The following SLC8A1 variants were observed in gnomAD, a reference collection of about 807,000 sequenced individuals.
SLC8A1 encodes the protein solute carrier family 8 member A1, also known as sodium/calcium exchanger 1.
SLC8A1 carries 18 observed loss-of-function variants against 68.3 expected under a neutral mutation model. That is an observed-to-expected ratio of 0.26 (90% CI 0.18 to 0.39). The LOEUF is 0.39. SLC8A1 is among the 10% of genes least tolerant of loss of function. SLC8A1 has a pLI of 1.00. For missense variants in SLC8A1, 985 were observed against 1,156.7 expected (o/e 0.85, Z 2.15); for synonymous variants, 475 against 415.5 (o/e 1.14, Z -1.74).
chr2:40,361,046 A>G (rs987832570), intron 2 of SLC8A1, among the ~76,000 whole-genome samples: 2 of 152,150 alleles, frequency 1.3e-5, no homozygotes, highest in African/African-American at 4.8e-5. Context: ...GGAAGCTATC[A>G]TTTGTCTATG....
At chr2:40,459,154 G>C (rs1026492154) in intron 1 of SLC8A1, among the ~76,000 whole-genome samples, 2 of 152,058 alleles carry the variant, frequency 1.3e-5, no homozygotes, top group Admixed American at 1.3e-4. Flanking sequence ...AAAAATGACA[G>C]GCAACAAGCA....
chr2:40,468,001 G>A (rs1173153398), intron 1 of SLC8A1, among the ~76,000 whole-genome samples: 2 of 152,084 alleles, frequency 1.3e-5, no homozygotes, highest in Non-Finnish European at 2.9e-5. Flanking sequence ...TCTATAACAT[G>A]AGAATGTTGA....
At chr2:40,487,706 C>A (rs545140631) in intron 1 of SLC8A1, among the ~76,000 whole-genome samples, 3 of 152,314 alleles carry the variant, frequency 2.0e-5, no homozygotes, top group East Asian at 3.9e-4. Flanking sequence ...TTAGTGTTCA[C>A]TGTGACTCCA....
intron 2 of SLC8A1, among the ~76,000 whole-genome samples, chr2:40,304,940 C>T (rs970899121): frequency 2.0e-5 from 3 of 152,170 alleles, no homozygotes; most frequent in African/African-American, 7.2e-5. Context: ...CCATTTGACA[C>T]TAACATGTTT....
At chr2:40,400,023 T>G (rs1688219380) in intron 2 of SLC8A1, among the ~76,000 whole-genome samples, 2 of 152,180 alleles carry the variant, frequency 1.3e-5, no homozygotes, top group Admixed American at 1.3e-4. Flanking sequence ...CTATCCTGTT[T>G]TGTTCTGATC....
chr2:40,462,385 C>G (rs1037581495), intron 1 of SLC8A1, among the ~76,000 whole-genome samples: 5 of 151,728 alleles, frequency 3.3e-5, no homozygotes, highest in Non-Finnish European at 7.4e-5. Flanking sequence ...TTTAAGTAAA[C>G]TTATTTAAAT....
At chr2:40,175,381 T>C in intron 3 of SLC8A1, 100 bp from the exon 4 acceptor site, 1 of 1,223,270 alleles carries the variant, frequency 8.2e-7, no homozygotes, top group Non-Finnish European at 1.2e-6. Flanking sequence ...CAGATCTGAT[T>C]ACAGTGGTAG....
intron 6 of SLC8A1, among the ~76,000 whole-genome samples, chr2:40,141,626 A>G (rs1173034560): frequency 6.6e-6 from 1 of 152,206 alleles, no homozygotes; most frequent in African/African-American, 2.4e-5. Flanking sequence ...AGTATTTATT[A>G]TATCAACTTT....
intron 2 of SLC8A1, among the ~76,000 whole-genome samples, chr2:40,420,193 T>C (rs1416572022): frequency 2.0e-5 from 3 of 152,158 alleles, no homozygotes; most frequent in East Asian, 1.9e-4. Flanking sequence ...TGAACTGCCA[T>C]GCAGGTCACT....
intron 2 of SLC8A1, among the ~76,000 whole-genome samples, chr2:40,364,870 A>G (rs1026738086): frequency 1.3e-5 from 2 of 151,858 alleles, no homozygotes; most frequent in Admixed American, 6.6e-5. Flanking sequence ...TTTTCTTTTA[A>G]TTTTTTTTCT....
At chr2:40,207,186 C>G (rs958389369) in intron 2 of SLC8A1, among the ~76,000 whole-genome samples, 1 of 151,988 alleles carries the variant, frequency 6.6e-6, no homozygotes, top group Admixed American at 6.6e-5. Context: ...ACAATCAATG[C>G]TGTCTTAGGT....
intron 2 of SLC8A1, among the ~76,000 whole-genome samples, chr2:40,342,842 G>A (rs938256299): frequency 1.1e-4 from 17 of 152,034 alleles, no homozygotes; most frequent in African/African-American, 2.2e-4. Flanking sequence ...ATGAACAAAC[G>A]TGAACTAAAA....
chr2:40,225,095 T>C (rs996057307), intron 2 of SLC8A1, among the ~76,000 whole-genome samples: 7 of 152,138 alleles, frequency 4.6e-5, no homozygotes, highest in African/African-American at 1.7e-4. Flanking sequence ...AGTAGGTAAC[T>C]ATAGGACTTC....
chr2:40,270,812 G>A (rs1173773834), intron 2 of SLC8A1, among the ~76,000 whole-genome samples: 1 of 152,150 alleles, frequency 6.6e-6, no homozygotes, highest in Non-Finnish European at 1.5e-5. Context: ...TGGTGAGGAG[G>A]GAGGTTTCCA....
intron 2 of SLC8A1, among the ~76,000 whole-genome samples, chr2:40,246,990 C>G (rs933927215): frequency 6.6e-6 from 1 of 152,032 alleles, no homozygotes; most frequent in African/African-American, 2.4e-5. Context: ...TTCATCTTTT[C>G]TTACATGTTA....
Position 40,482,167 on chromosome 2 carries a change from C to G in SLC8A1, c.-25+30182G>C, listed in dbSNP as rs556459943. 2.0e-5 allele frequency among the ~76,000 whole-genome samples: 3 copies of G among 152,256 alleles called. No individual in the cohort carries two copies. The East Asian group carries it at 5.8e-4, about 29-fold the overall frequency. ...TAAGATATTGTTGACTATAGCTACA[C>G]CAAGTTTCTACATTTTAAAAACGAA... On this transcript the variant is annotated intron_variant, in intron 1 of 7. Transcript: ENST00000402441.
upstream of SLC8A1, among the ~76,000 whole-genome samples, chr2:40,456,179 G>A (rs953116259): frequency 1.3e-5 from 2 of 152,180 alleles, no homozygotes. Flanking sequence ...AGCCGGGCGT[G>A]GTGGCGGGCA....
intron 2 of SLC8A1, among the ~76,000 whole-genome samples, chr2:40,233,513 T>C (rs1395501830): frequency 2.1e-5 from 3 of 142,780 alleles, no homozygotes; most frequent in Non-Finnish European, 4.6e-5. Context: ...GTCAGATGAG[T>C]AGGTTGCGAA....
intron 2 of SLC8A1, among the ~76,000 whole-genome samples, chr2:40,253,908 G>T (rs367585795): frequency 9.7e-5 from 11 of 112,990 alleles, no homozygotes; most frequent in East Asian, 5.3e-4. Context: ...GTTGGTTTAT[G>T]GTACAAGAAT....
Sources: gnomAD v4.1 joint callset for allele counts (sites outside exome capture counted in the v4.1 genomes callset) on GRCh38, gnomAD v4.1.1 for gene constraint, MANE v1.5 for transcripts, NCBI Gene and HGNC (gene_info 2026-07-23, HGNC 2026-07-21) for gene names.